THOP1: variants seen among roughly 807,000 people sequenced by gnomAD.
THOP1 encodes the protein thimet oligopeptidase 1.
In THOP1, 49 loss-of-function variants were observed where a neutral mutation model predicts 71.8. The observed-to-expected ratio is 0.68, with a 90% CI of 0.54 to 0.87. The LOEUF is 0.87. THOP1 is among the 40% of genes least tolerant of loss of function. The probability of loss-of-function intolerance (pLI) is 0.00; values close to 1 mark genes in which losing one functional copy is unlikely to be tolerated. For synonymous variants in THOP1, 426 were observed against 421.5 expected, an observed-to-expected ratio of 1.01 and a Z score of -0.13; for missense variants, 843 against 975.6, an observed-to-expected ratio of 0.86 and a Z score of 1.81.
intron 3 of THOP1, 112 bp downstream of exon 3, chr19:2,795,024 G>T (rs1043436207): frequency 4.2e-5 from 55 of 1,295,460 alleles, no homozygotes; most frequent in Non-Finnish European, 5.1e-5. Context: ...GGGTTTCAAC[G>T]TGTTGGTCAG....
chr19:2,811,487 G>C, intron 11 of THOP1, 111 bp from the exon 12 acceptor site: 1 of 1,429,032 alleles, frequency 7.0e-7, no homozygotes, highest in Non-Finnish European at 9.3e-7. Context: ...TGATCCTCCA[G>C]CTTCTCCCTG....
intron 2 of THOP1, 40 bp downstream of exon 2, chr19:2,790,673 C>A: frequency 1.4e-6 from 2 of 1,478,100 alleles, no homozygotes; most frequent in South Asian, 1.4e-5. Flanking sequence ...CCGCAGGTGC[C>A]GAGGGAGGTG....
chr19:2,793,637 C>G (rs572928458), intron 2 of THOP1, among the ~76,000 whole-genome samples: 42 of 152,300 alleles, frequency 2.8e-4, no homozygotes, highest in African/African-American at 1.0e-3. Context: ...TTGCAGTGAG[C>G]CGAGACTGCA....
In THOP1 at chr19:2,808,476, GGGGC is replaced by G. The variant is rs1916373059; in HGVS notation, c.1455+33_1455+36del. The G allele has an allele frequency of 2.6e-6, 4 of 1,542,980 alleles. No individual in the cohort carries two copies. The East Asian group carries it at 9.4e-5, about 36-fold the overall frequency. On this transcript the variant is annotated intron_variant, in intron 9 of 12. Transcript: ENST00000307741. The stretch of plus-strand genomic sequence containing the variant: ...GCGGGCCCGGGCAGGGGCAGGGGCA[GGGGC>G]AGGGGCAGGGGCTGCCTGTGGTCAG...
At chr19:2,802,970 C>A (rs952139585) in intron 5 of THOP1, among the ~76,000 whole-genome samples, 1 of 152,290 alleles carries the variant, frequency 6.6e-6, no homozygotes, top group Non-Finnish European at 1.5e-5. Flanking sequence ...GTCCTCTGAA[C>A]CTGCTCTTAC....
chr19:2,807,329 G>A lies in THOP1; in HGVS notation c.887-113G>A, dbSNP rs111316536. On this transcript the variant is annotated intron_variant, in intron 7 of 12. Coordinates refer to ENST00000307741, the MANE Select transcript of THOP1 (RefSeq NM_003249.5). ...CCCTCGAGGGGTTGCCGGGAACTGC[G>A]GGTCCTCCCTTCCAAATGGGGAGCC... is the stretch of plus-strand genomic sequence containing the variant. 5.1e-5 allele frequency: 73 copies of A among 1,429,990 alleles called. No homozygotes were observed. The African/African-American group carries it at 7.7e-4, about 15-fold the overall frequency. The allele number at this position is 1,429,990 out of a possible 1,614,324, so 88.6% of individuals were successfully genotyped here.
At chr19:2,800,718 C>G (rs1413936752) in intron 5 of THOP1, among the ~76,000 whole-genome samples, 1 of 152,246 alleles carries the variant, frequency 6.6e-6, no homozygotes, top group African/African-American at 2.4e-5. Context: ...GCAGCACATC[C>G]TACCCTCAGC....
At chr19:2,806,626 T>C (rs976421048) in intron 6 of THOP1, 44 of 451,772 alleles carry the variant, frequency 9.7e-5, no homozygotes, top group African/African-American at 8.6e-4. Flanking sequence ...TGTCCCCACA[T>C]GCAGCAGTGA....
chr19:2,790,710 C>T (rs948835465), intron 2 of THOP1, 77 bp downstream of exon 2: 46 of 1,350,392 alleles, frequency 3.4e-5, no homozygotes, highest in African/African-American at 3.0e-4. Context: ...TAGCCCAGCC[C>T]GTGGAGCCGG....
chr19:2,790,477 C>T lies in THOP1; in HGVS notation c.73C>T (p.Arg25Trp), dbSNP rs560375676. The T allele has an allele frequency of 2.2e-5, 36 of 1,603,270 alleles. No homozygotes were observed. In the East Asian group the frequency reaches 3.6e-4, roughly 16 times the overall value. ...TCCGTGCTCTGTGGTAAACGACCTG[C>T]GGTGGGACCTGAGTGCCCAGCAGAT... is the stretch of plus-strand genomic sequence containing the variant. The part of the protein sequence containing the change: ...ASPCSVVNDL[R>W]WDLSAQQIEE... Residue 25 changes from arginine (R) to tryptophan (W), a missense_variant, in exon 2 of 13, where the codon CGG becomes TGG. Coordinates refer to ENST00000307741, the MANE Select transcript of THOP1 (RefSeq NM_003249.5).
At chr19:2,800,652 G>T (rs1375009476) in intron 5 of THOP1, among the ~76,000 whole-genome samples, 1 of 152,240 alleles carries the variant, frequency 6.6e-6, no homozygotes, top group Non-Finnish European at 1.5e-5. Context: ...ACACTCGCAG[G>T]TCGGGCACTG....
At chr19:2,809,255 T>C (rs73524712) in intron 9 of THOP1, among the ~76,000 whole-genome samples, 6,602 of 152,304 alleles carry the variant, frequency 0.043, 448 homozygotes, top group African/African-American at 0.15. Flanking sequence ...CTGGTGGCTC[T>C]GTCACCCACA....
chr19:2,803,157 G>T (rs1047445370), intron 5 of THOP1, among the ~76,000 whole-genome samples: 3 of 152,240 alleles, frequency 2.0e-5, no homozygotes, highest in Non-Finnish European at 4.4e-5. Context: ...AGGAGACCTG[G>T]CGCCTTTGAG....
intron 1 of THOP1, among the ~76,000 whole-genome samples, chr19:2,789,561 T>C (rs547586356): frequency 3.3e-5 from 5 of 152,114 alleles, no homozygotes; most frequent in Non-Finnish European, 7.4e-5. Flanking sequence ...TTCCCCCCAC[T>C]GGGTGTGGGG....
At chr19:2,807,115 G>A in intron 7 of THOP1, 63 bp downstream of exon 7, 7 of 1,529,042 alleles carry the variant, frequency 4.6e-6, no homozygotes, top group South Asian at 1.2e-5. Context: ...TCACCCCAGG[G>A]GACAGTCGGT....
At chr19:2,796,747 C>A (rs888838081) in intron 4 of THOP1, among the ~76,000 whole-genome samples, 10 of 152,086 alleles carry the variant, frequency 6.6e-5, no homozygotes, top group African/African-American at 1.9e-4. Context: ...GAGCGTCCCC[C>A]CTTCAGGGCT....
chr19:2,808,930 C>T (rs932490165), intron 9 of THOP1, among the ~76,000 whole-genome samples: 2 of 152,220 alleles, frequency 1.3e-5, no homozygotes, highest in Non-Finnish European at 2.9e-5. Flanking sequence ...TGGTGGTCCA[C>T]GCCTGTAATC....
intron 1 of THOP1, among the ~76,000 whole-genome samples, chr19:2,787,816 C>T (rs1369951906): frequency 6.6e-6 from 1 of 152,210 alleles, no homozygotes; most frequent in Non-Finnish European, 1.5e-5. Context: ...GCCGGGGACG[C>T]TGCTCAGCAC....
Position 2,795,943 on chromosome 19 carries a change from C to A in THOP1, c.379-138C>A, listed in dbSNP as rs1217560611. 1.6e-5 allele frequency: 10 copies of A among 628,226 alleles called. No individual in the cohort carries two copies. In the Admixed American group the frequency reaches 2.7e-4, roughly 17 times the overall value. 38.9% of individuals were successfully genotyped at this position (628,226 alleles called of 1,614,324 possible). A position where few individuals can be genotyped will look rare whatever the true frequency, so the allele number is the denominator to read the frequency against. On this transcript the variant is annotated intron_variant, in intron 3 of 12. Transcript: ENST00000307741. The stretch of plus-strand genomic sequence containing the variant: ...TTTATGTAGAGACAGGTCGTCATTT[C>A]TCTGAGATAAATGCCCAGGAGTGCA...
Sources: gnomAD v4.1 joint callset for allele counts (sites outside exome capture counted in the v4.1 genomes callset) on GRCh38, gnomAD v4.1.1 for gene constraint, MANE v1.5 for transcripts, NCBI Gene and HGNC (gene_info 2026-07-23, HGNC 2026-07-21) for gene names.